Variants in SAP130 observed in about 807,000 individuals in gnomAD.
The protein encoded by SAP130 is histone deacetylase complex subunit SAP130.
Under a neutral mutation model 103.2 loss-of-function variants are expected in SAP130, and 16 were observed. The ratio of observed to expected loss-of-function variants is 0.16; its 90% confidence interval spans 0.10 to 0.24. The LOEUF is 0.24. SAP130 is among the 10% of genes least tolerant of loss of function. The pLI is 1.00. For missense variants in SAP130, 990 were observed against 1,359.7 expected (o/e 0.73, Z 4.28); for synonymous variants, 477 against 497.0 (o/e 0.96, Z 0.53).
At chr2:128,019,879 C>CA (rs879652102) in intron 2 of SAP130, among the ~76,000 whole-genome samples, 67 of 133,900 alleles carry the variant, frequency 5.0e-4, no homozygotes, top group Middle Eastern at 7.6e-3. Flanking sequence ...AACTCTGTGT[C>CA]AAAAAAAAAA....
intron 7 of SAP130, among the ~76,000 whole-genome samples, chr2:128,004,148 G>A (rs1683793318): frequency 1.3e-5 from 2 of 151,674 alleles, no homozygotes; most frequent in Admixed American, 1.3e-4. Flanking sequence ...CAAGGGGATT[G>A]TAGGCAGAGA....
At position 128,020,055 on chromosome 2, in the gene SAP130, C is replaced by T. The variant is rs866747529; in HGVS notation, c.113-2140G>A. 1.8e-4 allele frequency among the ~76,000 whole-genome samples: 27 copies of T among 152,202 alleles called. No homozygotes were observed. The Middle Eastern group carries it at 0.01, about 58-fold the overall frequency. On this transcript the variant is annotated intron_variant, in intron 2 of 20. Transcript: ENST00000643581. ...TTTAAATTATTTGGAGTACCATAAA[C>T]AAAGTAATGTTGCCCCCAAACTTAC...
intron 3 of SAP130, among the ~76,000 whole-genome samples, chr2:128,016,757 C>T (rs1468173865): frequency 6.6e-6 from 1 of 152,214 alleles, no homozygotes; most frequent in African/African-American, 2.4e-5. Context: ...GCAAGGCTAA[C>T]TGACTTGCTC....
chr2:128,011,102 G>A (rs1684361186), intron 6 of SAP130, among the ~76,000 whole-genome samples: 1 of 152,162 alleles, frequency 6.6e-6, no homozygotes, highest in Non-Finnish European at 1.5e-5. Flanking sequence ...TGGTCCTGGT[G>A]TAGACATTTT....
In SAP130 at chr2:127,956,485, A is replaced by G. The variant is rs553642451; in HGVS notation, c.2064-1141T>C. On this transcript the variant is annotated intron_variant, in intron 15 of 20. Transcript: ENST00000643581. ...TGCAGTCTTCCGCATGTTCTCACTC[A>G]TAGGTGGGAATTGAATAATGAGAAC... Among the ~76,000 whole-genome samples, 21 of 148,370 alleles carry G rather than the reference A, an allele frequency of 1.4e-4. No homozygotes were observed. In the South Asian group the frequency reaches 4.5e-3, roughly 32 times the overall value.
At chr2:128,027,044 C>T in intron 1 of SAP130, 2 of 1,375,462 alleles carry the variant, frequency 1.5e-6, no homozygotes, top group Non-Finnish European at 1.9e-6. Flanking sequence ...GGGGTGCGGA[C>T]GGGCGATCTG....
Position 127,986,878 on chromosome 2 carries a change from A to G in SAP130, c.1865T>C (p.Val622Ala), listed in dbSNP as rs1682439685. 1.2e-6 allele frequency: 2 copies of G among 1,614,256 alleles called. No homozygotes were observed. Among genetic ancestry groups the G allele is most frequent in the Non-Finnish European group, 1.7e-6 (2 of 1,180,050 alleles). The stretch of plus-strand genomic sequence containing the variant: ...GCTAGCACTCTGGCTGTGGGTCTGC[A>G]CCACGGTTGTTGCTGCTGGAGCAGC... Reference protein sequence around the residue: ...FSAAPAATTVVQTHSQSASTN... With the variant: ...FSAAPAATTVAQTHSQSASTN... The change falls in exon 14 of 21, where the codon GTG becomes GCG. Residue 622 changes from valine (V) to alanine (A), a missense_variant. Physicochemically the swap from Val to Ala is moderately conservative, Grantham distance 64. This residue lies in a region of SAP130 where 349 missense variants were observed against 384.1 expected (regional missense o/e 0.91). Transcript: ENST00000643581. The surrounding 1 kb of genome is among the most constrained non-coding windows in gnomAD (Gnocchi z 4.7).
intron 15 of SAP130, among the ~76,000 whole-genome samples, chr2:127,969,650 C>G (rs572037510): frequency 1.3e-5 from 2 of 152,196 alleles, no homozygotes; most frequent in African/African-American, 4.8e-5. Context: ...GTTCTTTCTG[C>G]GGGCTTGAAG....
chr2:128,026,719 G>A (rs376473869), intron 1 of SAP130, among the ~76,000 whole-genome samples: 2 of 152,210 alleles, frequency 1.3e-5, no homozygotes, highest in Non-Finnish European at 2.9e-5. Context: ...AGGAACATTC[G>A]GAGGAAGATA....
At chr2:127,950,111 C>T (rs1289861524) in intron 17 of SAP130, 49 bp downstream of exon 17, 1 of 1,611,608 alleles carries the variant, frequency 6.2e-7, no homozygotes, top group Middle Eastern at 1.7e-4. Context: ...GGGTTGGACT[C>T]TGACTTTATT....
chr2:127,961,797 T>A (rs1212423005), intron 15 of SAP130, among the ~76,000 whole-genome samples: 2 of 151,986 alleles, frequency 1.3e-5, no homozygotes, highest in Non-Finnish European at 2.9e-5. Context: ...GTATGTTGCT[T>A]CCTTGGTTCT....
rs924578311 is a variant in SAP130, at chr2:127,955,487, T to A, written c.2064-143A>T. On this transcript the variant is annotated intron_variant, in intron 15 of 20. Coordinates refer to ENST00000643581, the MANE Select transcript of SAP130 (RefSeq NM_001330301.2). This position sits in a 1 kb window ranked among gnomAD's most constrained non-coding sequence, Gnocchi z 4.9. ...ACTCTATTTCCTTTTTTTAAATTTT[T>A]AATTTTAAAAAAATTTTGAGACAGG... 20 of 550,072 alleles carry A rather than the reference T, an allele frequency of 3.6e-5. No homozygotes were observed. The highest frequency in any genetic ancestry group is 5.7e-5 in the Non-Finnish European group (19 of 335,234). The allele number at this position is 550,072 out of a possible 1,614,324, so 34.1% of individuals were successfully genotyped here.
chr2:127,963,794 C>G (rs561966911), intron 15 of SAP130, among the ~76,000 whole-genome samples: 4 of 152,286 alleles, frequency 2.6e-5, no homozygotes, highest in Admixed American at 2.6e-4. Flanking sequence ...TCTTTGCCTG[C>G]CACCATCCAC....
At chr2:128,009,401 T>C (rs1684221359) in intron 7 of SAP130, among the ~76,000 whole-genome samples, 1 of 152,046 alleles carries the variant, frequency 6.6e-6, no homozygotes, top group Admixed American at 6.6e-5. Context: ...AGCCTGAGAG[T>C]TTGAGGCTGC....
chr2:127,952,087 T>C (rs970573691), intron 16 of SAP130, among the ~76,000 whole-genome samples: 1 of 152,198 alleles, frequency 6.6e-6, no homozygotes, highest in Non-Finnish European at 1.5e-5. Context: ...AACTTTCTCC[T>C]GCATCATCAA....
intron 7 of SAP130, among the ~76,000 whole-genome samples, chr2:128,008,317 T>A (rs1352381451): frequency 6.6e-6 from 1 of 152,122 alleles, no homozygotes; most frequent in Non-Finnish European, 1.5e-5. Context: ...GCCTTTAAGA[T>A]CATCCCTCAT....
intron 2 of SAP130, among the ~76,000 whole-genome samples, chr2:128,024,926 C>T (rs1685400102): frequency 7.1e-6 from 1 of 139,942 alleles, no homozygotes; most frequent in Non-Finnish European, 1.5e-5. Context: ...CTGGGGAGCC[C>T]AAAAGATCGA....
intron 15 of SAP130, among the ~76,000 whole-genome samples, chr2:127,972,051 C>T (rs1377713997): frequency 6.6e-6 from 1 of 152,150 alleles, no homozygotes; most frequent in Non-Finnish European, 1.5e-5. Context: ...GTTATTTCTT[C>T]ACAATCCAAA....
In SAP130 at chr2:127,978,818, T is replaced by C. The variant is rs116422036; in HGVS notation, c.1959-729A>G. On this transcript the variant is annotated intron_variant, in intron 14 of 20. Transcript: ENST00000643581. ...AGAGACTAATCACCAAACTATGAAG[T>C]AGTCTTGCCATAAGAAGAAATTAAA... Among the ~76,000 whole-genome samples the C allele has an allele frequency of 3.6e-3, 551 of 152,208 alleles. 8 individuals carry two copies. The highest frequency in any genetic ancestry group is 0.013 in the African/African-American group (526 of 41,532).
Sources: gnomAD v4.1 joint callset for allele counts (sites outside exome capture counted in the v4.1 genomes callset) on GRCh38, gnomAD v4.1.1 for gene constraint, gnomAD v4.1.1 regional missense constraint, Gnocchi (gnomAD v3.1) non-coding constraint, MANE v1.5 for transcripts, NCBI Gene and HGNC (gene_info 2026-07-23, HGNC 2026-07-21) for gene names.